The following SLC35F1 variants were observed in gnomAD, a reference collection of about 807,000 sequenced individuals.
SLC35F1 encodes solute carrier family 35 member F1.
SLC35F1 carries 14 observed loss-of-function variants against 48.7 expected under a neutral mutation model. The observed-to-expected ratio is 0.29, with a 90% CI of 0.19 to 0.45. The LOEUF (loss-of-function observed/expected upper bound fraction) is 0.45. Ranked by LOEUF, SLC35F1 falls within the 20% of genes least tolerant of loss-of-function variation. The pLI is 1.00. For missense variants in SLC35F1, 404 were observed against 500.0 expected, an observed-to-expected ratio of 0.81 and a Z score of 1.83; for synonymous variants, 190 against 202.2, an observed-to-expected ratio of 0.94 and a Z score of 0.51.
At chr6:118,297,743 TATATATATATA>T (rs149900672) in intron 7 of SLC35F1, among the ~76,000 whole-genome samples, 75,339 of 138,368 alleles carry the variant, frequency 0.54, 21,296 homozygotes, top group African/African-American at 0.66. Context: ...TTCTGAGAAA[TATATATATATA>T]ATATATATAT....
At chr6:118,202,037 GA>G (rs1313417612) in intron 2 of SLC35F1, among the ~76,000 whole-genome samples, 1 of 151,784 alleles carries the variant, frequency 6.6e-6, no homozygotes, top group Non-Finnish European at 1.5e-5. Flanking sequence ...GGTTGTTTTG[GA>G]AAATAAGAAT....
intron 1 of SLC35F1, among the ~76,000 whole-genome samples, chr6:117,988,870 C>A (rs1270694264): frequency 6.6e-6 from 1 of 152,156 alleles, no homozygotes; most frequent in Non-Finnish European, 1.5e-5. Flanking sequence ...GATGGTCACA[C>A]AGCAATGTGA....
chr6:118,177,536 C>T (rs1562316143), intron 2 of SLC35F1, among the ~76,000 whole-genome samples: 3 of 152,032 alleles, frequency 2.0e-5, no homozygotes. Flanking sequence ...TTAAGAATTT[C>T]CTCTTGAGTT....
intron 3 of SLC35F1, among the ~76,000 whole-genome samples, chr6:118,239,862 C>G (rs1470089074): frequency 6.6e-6 from 1 of 152,086 alleles, no homozygotes; most frequent in African/African-American, 2.4e-5. Context: ...AGTTCTAGAA[C>G]CATTTTTCCA....
intron 2 of SLC35F1, among the ~76,000 whole-genome samples, chr6:118,221,820 T>G (rs1241877643): frequency 6.6e-6 from 1 of 152,204 alleles, no homozygotes; most frequent in Non-Finnish European, 1.5e-5. Flanking sequence ...TTATATCATT[T>G]TAATTTGTAA....
At chr6:118,249,784 G>A (rs1218454422) in intron 3 of SLC35F1, among the ~76,000 whole-genome samples, 1 of 152,090 alleles carries the variant, frequency 6.6e-6, no homozygotes, top group African/African-American at 2.4e-5. Context: ...TTCTGAGTTG[G>A]GGCCGTTTCT....
rs965220896 is a variant in SLC35F1, at chr6:118,314,388, A to G, written c.*136A>G. 1.4e-6 allele frequency: 1 copy of G among 722,516 alleles called. No individual in the cohort carries two copies. The highest frequency in any genetic ancestry group is 2.3e-6 in the Non-Finnish European group (1 of 435,376). 44.8% of individuals were successfully genotyped at this position (722,516 alleles called of 1,614,324 possible). ...ACTGCAAGGTAGCAAATCCTCCAAAAGCTTGTGAAAGGAACAAGCTCAACA... is the reference window on the plus strand; with the variant it reads ...ACTGCAAGGTAGCAAATCCTCCAAAGGCTTGTGAAAGGAACAAGCTCAACA... On this transcript the variant is annotated 3_prime_UTR_variant, in exon 8 of 8. Transcript: ENST00000360388.
chr6:117,923,794 C>CATATATGCATATACACATACATATGT (rs1775974458), intron 1 of SLC35F1, among the ~76,000 whole-genome samples: 4 of 99,338 alleles, frequency 4.0e-5, no homozygotes, highest in African/African-American at 1.4e-4. Context: ...CATATATGTA[C>CATATATGCATATACACATACATATGT]ATATATACAT....
intron 1 of SLC35F1, among the ~76,000 whole-genome samples, chr6:117,996,547 G>A (rs1776994748): frequency 6.6e-6 from 1 of 152,156 alleles, no homozygotes; most frequent in Non-Finnish European, 1.5e-5. Context: ...GGGGCAGACT[G>A]ACACCTCACA....
At chr6:117,950,725 A>G (rs548750367) in intron 1 of SLC35F1, among the ~76,000 whole-genome samples, 1 of 152,322 alleles carries the variant, frequency 6.6e-6, no homozygotes, top group South Asian at 2.1e-4. Context: ...AACCATCTGA[A>G]ATAACGTTTA....
chr6:118,284,394 T>C (rs1776025460), intron 6 of SLC35F1, among the ~76,000 whole-genome samples: 1 of 152,122 alleles, frequency 6.6e-6, no homozygotes, highest in African/African-American at 2.4e-5. Flanking sequence ...GGGGAAAGTA[T>C]AGATTTAGCT....
At chr6:118,181,319 C>G (rs1237751117) in intron 2 of SLC35F1, among the ~76,000 whole-genome samples, 1 of 152,036 alleles carries the variant, frequency 6.6e-6, no homozygotes. Context: ...GAACAGTATT[C>G]AAATTAGGAA....
chr6:118,235,688 A>C (rs1775355625), intron 3 of SLC35F1, 52 bp downstream of exon 3: 5 of 1,586,202 alleles, frequency 3.2e-6, no homozygotes, highest in Non-Finnish European at 4.3e-6. Flanking sequence ...GATGTAGTTT[A>C]CTTTCAGTTT....
In SLC35F1 at chr6:118,250,895, G is replaced by A. The variant is rs1257319765; in HGVS notation, c.477+15259G>A. Among the ~76,000 whole-genome samples, 3 of 151,948 alleles carry A rather than the reference G, an allele frequency of 2.0e-5. No homozygotes were observed. The East Asian group carries it at 5.8e-4, about 29-fold the overall frequency. On this transcript the variant is annotated intron_variant, in intron 3 of 7. Coordinates refer to ENST00000360388, the MANE Select transcript of SLC35F1 (RefSeq NM_001029858.4). ...ACTGAGAATGGCTTGAACCCAGGAA[G>A]CAGAGGTTGCAGTGAGCCGAGATCG...
At chr6:118,001,900 GA>G in intron 1 of SLC35F1, among the ~76,000 whole-genome samples, 1 of 151,182 alleles carries the variant, frequency 6.6e-6, no homozygotes, top group Middle Eastern at 3.4e-3. Flanking sequence ...ACCACAATGA[GA>G]TACCATCTCA....
chr6:118,116,895 C>T (rs1773483019), intron 1 of SLC35F1, among the ~76,000 whole-genome samples: 1 of 152,150 alleles, frequency 6.6e-6, no homozygotes, highest in Non-Finnish European at 1.5e-5. Context: ...CAGCCTCACC[C>T]TCTTAGCCAA....
At chr6:118,046,962 T>TA (rs11405413) in intron 1 of SLC35F1, among the ~76,000 whole-genome samples, 151,127 of 152,034 alleles carry the variant, frequency 0.99, 75,120 homozygotes, top group Non-Finnish European at 1. Flanking sequence ...TTTTGAGATA[T>TA]AAAAAAATCA....
chr6:118,234,385 C>T (rs1775334924), intron 2 of SLC35F1, among the ~76,000 whole-genome samples: 1 of 152,110 alleles, frequency 6.6e-6, no homozygotes, highest in Non-Finnish European at 1.5e-5. Context: ...CATTGTTTGT[C>T]CTGGGACAAA....
intron 2 of SLC35F1, among the ~76,000 whole-genome samples, chr6:118,226,845 G>T (rs182486504): frequency 6.6e-6 from 1 of 152,112 alleles, no homozygotes; most frequent in African/African-American, 2.4e-5. Flanking sequence ...AGCTAGAAGA[G>T]AACAAATGTT....
Sources: allele counts gnomAD v4.1 joint callset (sites outside exome capture counted in the v4.1 genomes callset), GRCh38; gene constraint gnomAD v4.1.1; transcripts MANE v1.5; gene names NCBI Gene and HGNC (gene_info 2026-07-23, HGNC 2026-07-21).